The following LRRC7 variants were observed in gnomAD, a reference collection of about 807,000 sequenced individuals.
LRRC7 encodes leucine-rich repeat-containing protein 7.
A neutral mutation model predicts 175.7 loss-of-function variants in LRRC7; 23 were observed. The observed-to-expected ratio is 0.13, with a 90% CI of 0.09 to 0.19. The LOEUF (loss-of-function observed/expected upper bound fraction) is 0.19, where lower values mean the gene tolerates loss of function less well. Among genes scored for constraint, LRRC7 ranks in the 10% least tolerant of loss-of-function variants. The probability of loss-of-function intolerance (pLI) is 1.00; values close to 1 mark genes in which losing one functional copy is unlikely to be tolerated. For synonymous variants in LRRC7, 685 were observed against 680.9 expected, an observed-to-expected ratio of 1.01 and a Z score of -0.09; for missense variants, 1,354 against 1,904.7, an observed-to-expected ratio of 0.71 and a Z score of 5.38.
chr1:69,717,593 G>A (rs1018987742), intron 2 of LRRC7, among the ~76,000 whole-genome samples: 13 of 151,504 alleles, frequency 8.6e-5, no homozygotes, highest in Non-Finnish European at 1.9e-4. Context: ...CTATGAGGGG[G>A]TGGAAAGGCA....
intron 1 of LRRC7, among the ~76,000 whole-genome samples, chr1:69,621,599 A>G (rs998533561): frequency 1.3e-5 from 2 of 152,172 alleles, no homozygotes; most frequent in African/African-American, 4.8e-5. Flanking sequence ...TACTAGAATA[A>G]GGTCTTTATT....
intron 18 of LRRC7, among the ~76,000 whole-genome samples, chr1:70,029,841 TAATA>T (rs980324863): frequency 1.3e-5 from 2 of 152,190 alleles, no homozygotes; most frequent in Non-Finnish European, 2.9e-5. Context: ...ATGAATTTAA[TAATA>T]AATCTTAAAA....
At chr1:69,948,892 T>A (rs952784463) in intron 8 of LRRC7, among the ~76,000 whole-genome samples, 2 of 152,172 alleles carry the variant, frequency 1.3e-5, no homozygotes, top group African/African-American at 4.8e-5. Context: ...GAACACTGCC[T>A]CCTTCTATAT....
At chr1:69,871,006 C>A (rs1685476945) in intron 7 of LRRC7, among the ~76,000 whole-genome samples, 1 of 152,090 alleles carries the variant, frequency 6.6e-6, no homozygotes, top group Admixed American at 6.6e-5. Context: ...CTAAAGACTG[C>A]TCTAGCTGAT....
At chr1:69,614,202 A>G (rs1211216417) in intron 1 of LRRC7, among the ~76,000 whole-genome samples, 1 of 152,070 alleles carries the variant, frequency 6.6e-6, no homozygotes, top group Non-Finnish European at 1.5e-5. Context: ...GTTTATTTAC[A>G]TTGCCAGGAG....
intron 2 of LRRC7, among the ~76,000 whole-genome samples, chr1:69,706,749 A>G (rs996030896): frequency 2.4e-4 from 37 of 152,264 alleles, no homozygotes; most frequent in Middle Eastern, 3.4e-3. Flanking sequence ...GTGGTAGAGT[A>G]TGGGATTTAT....
chr1:69,667,362 A>G (rs1409405744), intron 1 of LRRC7, among the ~76,000 whole-genome samples: 1 of 151,876 alleles, frequency 6.6e-6, no homozygotes. Flanking sequence ...TTCCTTGTTG[A>G]TTTTCTGTCT....
At chr1:69,960,418 T>C (rs949134551) in intron 8 of LRRC7, among the ~76,000 whole-genome samples, 2 of 152,010 alleles carry the variant, frequency 1.3e-5, no homozygotes, top group East Asian at 3.9e-4. Flanking sequence ...TTTTATTAAG[T>C]TTTTCAAAAA....
At chr1:69,852,957 T>C (rs1021549656) in intron 7 of LRRC7, among the ~76,000 whole-genome samples, 16 of 152,182 alleles carry the variant, frequency 1.1e-4, no homozygotes, top group Admixed American at 5.2e-4. Context: ...TGTATCAGAA[T>C]GTCCATAATG....
At chr1:70,047,610 A>G (rs1660426603) in intron 22 of LRRC7, among the ~76,000 whole-genome samples, 1 of 152,164 alleles carries the variant, frequency 6.6e-6, no homozygotes, top group Non-Finnish European at 1.5e-5. Flanking sequence ...TATATGAACA[A>G]AAAGGGAGCA....
chr1:69,612,743 C>T (rs944048514), intron 1 of LRRC7, among the ~76,000 whole-genome samples: 10 of 151,894 alleles, frequency 6.6e-5, no homozygotes, highest in Non-Finnish European at 1.3e-4. Context: ...ATTTTGTAAC[C>T]GTAACTGAAA....
At chr1:69,671,663 G>A (rs926754494) in intron 1 of LRRC7, among the ~76,000 whole-genome samples, 13 of 152,092 alleles carry the variant, frequency 8.5e-5, no homozygotes, top group African/African-American at 3.1e-4. Flanking sequence ...AGGCTTCCTG[G>A]AGCTCAATTT....
chr1:69,626,374 A>G (rs1651537450), intron 1 of LRRC7, among the ~76,000 whole-genome samples: 1 of 131,342 alleles, frequency 7.6e-6, no homozygotes, highest in Admixed American at 8.1e-5. Context: ...TGATGCATTT[A>G]CTTAGAATCT....
intron 13 of LRRC7, among the ~76,000 whole-genome samples, chr1:70,013,749 T>C (rs1656729968): frequency 6.6e-6 from 1 of 151,972 alleles, no homozygotes; most frequent in Non-Finnish European, 1.5e-5. Context: ...TGACTAGAGA[T>C]AACAGCTAAG....
intron 10 of LRRC7, among the ~76,000 whole-genome samples, chr1:69,993,610 A>C (rs928012961): frequency 6.6e-6 from 1 of 152,136 alleles, no homozygotes; most frequent in East Asian, 1.9e-4. Context: ...AAGCTCCTAG[A>C]CAAACTATTA....
intron 1 of LRRC7, among the ~76,000 whole-genome samples, chr1:69,615,703 A>G (rs1030738403): frequency 2.0e-5 from 3 of 152,104 alleles, no homozygotes; most frequent in African/African-American, 7.2e-5. Flanking sequence ...AAGAAATTTG[A>G]GAAGAAAGGG....
chr1:69,903,486 C>G (rs1047173045), intron 7 of LRRC7, among the ~76,000 whole-genome samples: 1 of 152,144 alleles, frequency 6.6e-6, no homozygotes, highest in African/African-American at 2.4e-5. Context: ...AACCCACAGA[C>G]CAGTAGATTC....
chr1:69,855,701 GA>G (rs1557815136), intron 7 of LRRC7, among the ~76,000 whole-genome samples: 2 of 152,026 alleles, frequency 1.3e-5, no homozygotes, highest in African/African-American at 4.8e-5. Context: ...CTGTCTCGTT[GA>G]TCTGTCTAAT....
chr1:70,046,186 G>A (rs185055821), intron 22 of LRRC7, among the ~76,000 whole-genome samples: 1 of 152,032 alleles, frequency 6.6e-6, no homozygotes, highest in African/African-American at 2.4e-5. Context: ...GATATATACA[G>A]TATCTGAAAA....
Sources: gnomAD v4.1 joint callset for allele counts (sites outside exome capture counted in the v4.1 genomes callset) on GRCh38, gnomAD v4.1.1 for gene constraint, MANE v1.5 for transcripts, NCBI Gene and HGNC (gene_info 2026-07-23, HGNC 2026-07-21) for gene names.